Variants in GTF2E2 observed in about 807,000 individuals in gnomAD.
GTF2E2 encodes the protein transcription initiation factor IIE subunit beta.
In GTF2E2, 21 loss-of-function variants were observed where a neutral mutation model predicts 40.5. The ratio of observed to expected loss-of-function variants is 0.52; its 90% CI spans 0.37 to 0.75. GTF2E2 has a LOEUF of 0.75. Among genes scored for constraint, GTF2E2 ranks in the 30% least tolerant of loss-of-function variants. GTF2E2 has a pLI of 0.00. For synonymous variants in GTF2E2, 117 were observed against 121.6 expected, an observed-to-expected ratio of 0.96 and a Z score of 0.25; for missense variants, 298 against 338.4, an observed-to-expected ratio of 0.88 and a Z score of 0.94.
intron 6 of GTF2E2, among the ~76,000 whole-genome samples, chr8:30,590,056 T>C (rs990895542): frequency 1.3e-5 from 2 of 152,208 alleles, no homozygotes; most frequent in South Asian, 2.1e-4. Context: ...ACCATGATAA[T>C]GATATAGACA....
chr8:30,594,069 T>A (rs1305682720), intron 6 of GTF2E2, among the ~76,000 whole-genome samples: 1 of 152,006 alleles, frequency 6.6e-6, no homozygotes, highest in African/African-American at 2.4e-5. Context: ...TAGCTGGGAT[T>A]ACAGGCGCAT....
Position 30,578,996 on chromosome 8 carries a change from CT to C in GTF2E2, c.800del (p.Lys267SerfsTer15). 1.2e-6 allele frequency: 2 copies of C among 1,610,976 alleles called. No homozygotes were observed. The highest frequency in any genetic ancestry group is 1.7e-6 in the Non-Finnish European group (2 of 1,177,092). ...GTTCGTTATGAGTCTTAAAGCGTCG[CT>C]TTTTCTGTGAAGCAGGCTTTTTCCT... ...QRRKKPASQKKRRFKTHNEHL... is the reference protein window; with the variant it reads ...QRRKKPASQKXRRFKTHNEHL... On this transcript the variant is annotated frameshift_variant, in exon 8 of 8. Coordinates refer to ENST00000355904, the MANE Select transcript of GTF2E2 (RefSeq NM_002095.6). LOFTEE classifies it high-confidence loss of function.
intron 2 of GTF2E2, among the ~76,000 whole-genome samples, chr8:30,650,736 CT>C (rs528637756): frequency 1.2e-4 from 18 of 150,918 alleles, no homozygotes; most frequent in Admixed American, 3.3e-4. Flanking sequence ...AAACAAAAGG[CT>C]GGGTGCGGTG....
At chr8:30,640,226 T>C (rs1801765413) in intron 2 of GTF2E2, among the ~76,000 whole-genome samples, 1 of 152,198 alleles carries the variant, frequency 6.6e-6, no homozygotes, top group Admixed American at 6.5e-5. Context: ...ACTGATCACA[T>C]TTCAAAGTGA....
At chr8:30,631,820 G>A (rs1801444417) in intron 3 of GTF2E2, among the ~76,000 whole-genome samples, 2 of 152,208 alleles carry the variant, frequency 1.3e-5, no homozygotes, top group African/African-American at 4.8e-5. Flanking sequence ...AACAGGCCAG[G>A]TCTAGTGGCT....
chr8:30,621,477 G>A lies in GTF2E2; in HGVS notation c.259-6762C>T, dbSNP rs545804042. ...TGAAAATCCCTTCCTCATAGATCAG[G>A]AATTAAAAAGAAAAATGAAAGAGTG... On this transcript the variant is annotated intron_variant, in intron 3 of 7. Transcript: ENST00000355904. Among the ~76,000 whole-genome samples, 4 of 152,108 alleles carry A rather than the reference G, an allele frequency of 2.6e-5. No homozygotes were observed. In the East Asian group the frequency reaches 7.7e-4, roughly 29 times the overall value.
At chr8:30,620,885 C>T (rs567564510) in intron 3 of GTF2E2, among the ~76,000 whole-genome samples, 115 of 151,132 alleles carry the variant, frequency 7.6e-4, no homozygotes, top group African/African-American at 1.6e-3. Flanking sequence ...GCCAAGACTG[C>T]GCTACTGCAC....
chr8:30,642,820 A>T (rs556911881), intron 2 of GTF2E2, among the ~76,000 whole-genome samples: 2 of 152,264 alleles, frequency 1.3e-5, no homozygotes, highest in African/African-American at 2.4e-5. Context: ...AATGGATACA[A>T]GTTAAACCTC....
At chr8:30,605,278 T>C (rs558532078) in intron 6 of GTF2E2, among the ~76,000 whole-genome samples, 1 of 152,208 alleles carries the variant, frequency 6.6e-6, no homozygotes, top group Non-Finnish European at 1.5e-5. Flanking sequence ...AACTAAAACT[T>C]AACTAGAGAT....
chr8:30,618,181 C>G (rs1350772424), intron 3 of GTF2E2, among the ~76,000 whole-genome samples: 1 of 143,488 alleles, frequency 7.0e-6, no homozygotes, highest in Non-Finnish European at 1.5e-5. Flanking sequence ...CCCGTAATCC[C>G]AGCTACTCAG....
At chr8:30,601,381 T>C (rs1007830268) in intron 6 of GTF2E2, among the ~76,000 whole-genome samples, 2 of 152,220 alleles carry the variant, frequency 1.3e-5, no homozygotes, top group South Asian at 4.1e-4. Flanking sequence ...AACTGGACCT[T>C]TAACCAAGTT....
At chr8:30,595,773 A>T (rs971009262) in intron 6 of GTF2E2, among the ~76,000 whole-genome samples, 2 of 152,122 alleles carry the variant, frequency 1.3e-5, no homozygotes, top group Non-Finnish European at 2.9e-5. Flanking sequence ...CAGAGGTTGT[A>T]GTGAGCCAAG....
intron 6 of GTF2E2, among the ~76,000 whole-genome samples, chr8:30,591,879 T>C (rs1828860780): frequency 1.3e-5 from 2 of 151,816 alleles, no homozygotes; most frequent in African/African-American, 4.8e-5. Context: ...AACCCAAATA[T>C]CCATCAACTG....
intron 2 of GTF2E2, among the ~76,000 whole-genome samples, chr8:30,636,776 G>GA (rs1491301498): frequency 1.3e-5 from 2 of 151,440 alleles, no homozygotes; most frequent in Non-Finnish European, 2.9e-5. Context: ...TCACTTGAAC[G>GA]AGAGAGTTGG....
intron 3 of GTF2E2, among the ~76,000 whole-genome samples, chr8:30,626,134 A>G (rs1184279899): frequency 6.6e-6 from 1 of 152,212 alleles, no homozygotes; most frequent in Non-Finnish European, 1.5e-5. Flanking sequence ...TTTACACACC[A>G]AGAGTCAACT....
chr8:30,632,541 CA>C (rs1429010035), intron 3 of GTF2E2, among the ~76,000 whole-genome samples: 2 of 152,026 alleles, frequency 1.3e-5, no homozygotes, highest in Non-Finnish European at 2.9e-5. Flanking sequence ...ACACATAAAA[CA>C]ATTATAATAA....
chr8:30,615,947 T>C (rs1377205171), intron 3 of GTF2E2, among the ~76,000 whole-genome samples: 1 of 152,012 alleles, frequency 6.6e-6, no homozygotes, highest in African/African-American at 2.4e-5. Context: ...GGTGAGTGGG[T>C]AAATAAACCG....
intron 2 of GTF2E2, chr8:30,637,170 G>A: frequency 2.2e-6 from 1 of 453,712 alleles, no homozygotes; most frequent in South Asian, 1.6e-5. Flanking sequence ...ATCTGAAACT[G>A]GCCATTTTGT....
intron 2 of GTF2E2, chr8:30,643,574 T>G (rs1238578265): frequency 6.6e-6 from 1 of 151,664 alleles, no homozygotes; most frequent in Non-Finnish European, 1.5e-5. Context: ...GAGAATCACT[T>G]GAACCCAGGA....
Sources: allele counts gnomAD v4.1 joint callset (sites outside exome capture counted in the v4.1 genomes callset), GRCh38; gene constraint gnomAD v4.1.1; transcripts MANE v1.5; gene names NCBI Gene and HGNC (gene_info 2026-07-23, HGNC 2026-07-21).